HAUS2: variants seen among roughly 807,000 people sequenced by gnomAD.
HAUS2 encodes the protein HAUS augmin like complex subunit 2, also known as HAUS augmin-like complex subunit 2.
A neutral mutation model predicts 21.6 loss-of-function variants in HAUS2; 20 were observed. That is an observed-to-expected ratio of 0.93 (90% CI 0.65 to 1.35). The LOEUF (loss-of-function observed/expected upper bound fraction) is 1.35. HAUS2 is among the 40% of genes most tolerant of loss of function. HAUS2 has a pLI of 0.00. For synonymous variants in HAUS2, 113 were observed against 95.6 expected, an observed-to-expected ratio of 1.18 and a Z score of -1.06; for missense variants, 297 against 280.7, an observed-to-expected ratio of 1.06 and a Z score of -0.42.
chr15:42,555,369 G>C (rs1352028706), intron 1 of HAUS2, among the ~76,000 whole-genome samples: 3 of 152,054 alleles, frequency 2.0e-5, no homozygotes, highest in Non-Finnish European at 2.9e-5. Context: ...GGCTCAAGCA[G>C]TTCTCCTGCT....
At chr15:42,558,386 G>A (rs1335610632) in intron 2 of HAUS2, 96 bp downstream of exon 2, 1 of 578,238 alleles carries the variant, frequency 1.7e-6, no homozygotes, top group Non-Finnish European at 3.0e-6. Context: ...GGAGTGCAGT[G>A]GCACAATCTC....
chr15:42,549,765 C>CAAAAAAA (rs58614126), intron 1 of HAUS2, among the ~76,000 whole-genome samples: 3 of 58,080 alleles, frequency 5.2e-5, no homozygotes, highest in Admixed American at 2.6e-4. Context: ...TCTTTAAAGG[C>CAAAAAAA]AAAAAAAAAA....
intron 1 of HAUS2, among the ~76,000 whole-genome samples, chr15:42,557,328 T>TAA (rs1566831754): frequency 1.2e-5 from 1 of 81,036 alleles, no homozygotes; most frequent in African/African-American, 4.8e-5. Flanking sequence ...AATATATATA[T>TAA]TATATATAAT....
chr15:42,556,850 C>CAA (rs556250001), intron 1 of HAUS2, among the ~76,000 whole-genome samples: 28 of 108,322 alleles, frequency 2.6e-4, no homozygotes, highest in Non-Finnish European at 3.8e-4. Context: ...ACTAAAAATA[C>CAA]AAAAAAAAAA....
intron 1 of HAUS2, 96 bp from the exon 2 acceptor site, chr15:42,558,102 A>G (rs1195611638): frequency 4.7e-6 from 3 of 641,198 alleles, no homozygotes; most frequent in Non-Finnish European, 8.4e-6. Context: ...GTTGAACATA[A>G]TATTTTCTCA....
At chr15:42,563,131 A>C (rs2057867504) in intron 4 of HAUS2, among the ~76,000 whole-genome samples, 1 of 150,832 alleles carries the variant, frequency 6.6e-6, no homozygotes, top group Non-Finnish European at 1.5e-5. Context: ...AAAAAAAGAA[A>C]TGGGGCTGGG....
intron 3 of HAUS2, chr15:42,560,645 G>A (rs1301534456): frequency 2.1e-6 from 1 of 465,298 alleles, no homozygotes; most frequent in African/African-American, 2.1e-5. Flanking sequence ...TTAAGAGTGT[G>A]TCACTCTGTA....
chr15:42,551,778 G>T (rs900174099), intron 1 of HAUS2, among the ~76,000 whole-genome samples: 6 of 152,046 alleles, frequency 3.9e-5, no homozygotes, highest in Non-Finnish European at 8.8e-5. Flanking sequence ...CTTTTTTGGG[G>T]GTGGTGGTTG....
At position 42,560,760 on chromosome 15, in the gene HAUS2, T is replaced by C. The variant is rs973227440; in HGVS notation, c.257-510T>C. The C allele has an allele frequency of 4.3e-6, 3 of 701,118 alleles. No homozygotes were observed. In the African/African-American group the frequency reaches 5.2e-5, roughly 12 times the overall value. The allele number at this position is 701,118 out of a possible 1,614,324, so 43.4% of individuals were successfully genotyped here. A position where few individuals can be genotyped will look rare whatever the true frequency, so the allele number is the denominator to read the frequency against. ...TGTGCCACCATGCCCAGCTAATTTTTGTTTTTTCAATTTTTTTGTAGAGAT... is the reference window on the plus strand; with the variant it reads ...TGTGCCACCATGCCCAGCTAATTTTCGTTTTTTCAATTTTTTTGTAGAGAT... On this transcript the variant is annotated intron_variant, in intron 3 of 5. Coordinates refer to ENST00000260372, the MANE Select transcript of HAUS2 (RefSeq NM_018097.3).
At chr15:42,552,099 T>A (rs913082044) in intron 1 of HAUS2, among the ~76,000 whole-genome samples, 6 of 152,142 alleles carry the variant, frequency 3.9e-5, no homozygotes, top group Non-Finnish European at 8.8e-5. Flanking sequence ...CTTGGCTCAC[T>A]GCAACCTCCG....
In HAUS2 at chr15:42,563,294, C is replaced by T. The variant is rs541150616; in HGVS notation, c.390-455C>T. 4.6e-5 allele frequency among the ~76,000 whole-genome samples: 7 copies of T among 151,412 alleles called. No individual in the cohort carries two copies. In the South Asian group the frequency reaches 8.4e-4, roughly 18 times the overall value. ...AGGCGTGGTGGTGGGCGCCTGTAAT[C>T]CCAGCTACTTGGGAGGCTGAGGCAA... On this transcript the variant is annotated intron_variant, in intron 4 of 5. Coordinates refer to ENST00000260372, the MANE Select transcript of HAUS2 (RefSeq NM_018097.3).
rs1337504560 is a variant in HAUS2 at position 42,568,013 on chromosome 15, CT to C, written c.*1199del. On this transcript the variant is annotated 3_prime_UTR_variant, in exon 6 of 6. Transcript: ENST00000260372. Reference sequence around the variant, plus strand: ...CCTGGGCAACAGAGCAAGACTCTGTCTTAAAAAAAAAAAAAAAAGGTGTTTC... The same window carrying C: ...CCTGGGCAACAGAGCAAGACTCTGTCTAAAAAAAAAAAAAAAAGGTGTTTC... 1 of 36,358 alleles carries C rather than the reference CT, an allele frequency of 2.8e-5. No homozygotes were observed. Among genetic ancestry groups the C allele is most frequent in the Non-Finnish European group, 1.1e-4 (1 of 9,474 alleles). 2.3% of individuals were successfully genotyped at this position (36,358 alleles called of 1,614,324 possible).
intron 1 of HAUS2, among the ~76,000 whole-genome samples, chr15:42,556,856 A>G (rs2057782797): frequency 6.6e-6 from 1 of 151,688 alleles, no homozygotes; most frequent in Non-Finnish European, 1.5e-5. Flanking sequence ...AATACAAAAA[A>G]AAAAAAAAAA....
chr15:42,563,674 T>C, intron 4 of HAUS2, 75 bp from the exon 5 acceptor site: 3 of 781,596 alleles, frequency 3.8e-6, no homozygotes, highest in Non-Finnish European at 6.8e-6. Flanking sequence ...TTAAAAGTCC[T>C]GATTAAAGGA....
chr15:42,551,546 C>CTCATCAAGCTTG (rs2057725653), intron 1 of HAUS2, among the ~76,000 whole-genome samples: 1 of 152,048 alleles, frequency 6.6e-6, no homozygotes, highest in Non-Finnish European at 1.5e-5. Context: ...GAAGCCGAGA[C>CTCATCAAGCTTG]ATGAGAATCG....
intron 5 of HAUS2, among the ~76,000 whole-genome samples, chr15:42,566,046 C>T (rs907751448): frequency 2.0e-5 from 3 of 151,982 alleles, no homozygotes; most frequent in Non-Finnish European, 2.9e-5. Context: ...ACTAAAAATA[C>T]AAAAAATTAG....
At chr15:42,552,572 TGAAAG>T (rs2057736730) in intron 1 of HAUS2, among the ~76,000 whole-genome samples, 2 of 152,178 alleles carry the variant, frequency 1.3e-5, no homozygotes, top group Non-Finnish European at 2.9e-5. Flanking sequence ...AGTGATTTGG[TGAAAG>T]AAAGGTAGGG....
At chr15:42,558,056 T>C in intron 1 of HAUS2, 142 bp from the exon 2 acceptor site, 2 of 556,854 alleles carry the variant, frequency 3.6e-6, no homozygotes, top group Non-Finnish European at 6.4e-6. Context: ...TACACATTGC[T>C]ACTATTTTAC....
Position 42,558,288 on chromosome 15 carries a change from C to A in HAUS2, c.184C>A (p.Gln62Lys). Reference sequence around the variant, plus strand: ...CACAAATATTCAAGCTGAAATCTACCAGGTAAATCATTTTGTTTTCACTTT... The same window carrying A: ...CACAAATATTCAAGCTGAAATCTACAAGGTAAATCATTTTGTTTTCACTTT... ...QITNIQAEIYQKNLEIELLKL... is the reference protein window; with the variant it reads ...QITNIQAEIYKKNLEIELLKL... The change falls in exon 2 of 6, where the codon CAG becomes AAG. Residue 62 changes from glutamine (Q) to lysine (K), a missense_variant and splice_region_variant. Coordinates refer to ENST00000260372, the MANE Select transcript of HAUS2 (RefSeq NM_018097.3). 8.8e-7 allele frequency: 1 copy of A among 1,138,120 alleles called. No individual in the cohort carries two copies. The highest frequency in any genetic ancestry group is 1.3e-6 in the Non-Finnish European group (1 of 773,756). 70.5% of individuals were successfully genotyped at this position (1,138,120 alleles called of 1,614,324 possible).
Sources: gnomAD v4.1 joint callset for allele counts (sites outside exome capture counted in the v4.1 genomes callset) on GRCh38, gnomAD v4.1.1 for gene constraint, MANE v1.5 for transcripts, NCBI Gene and HGNC (gene_info 2026-07-23, HGNC 2026-07-21) for gene names.